The following PARD3 variants were observed in gnomAD, a reference collection of about 807,000 sequenced individuals.
PARD3 encodes the protein partitioning defective 3 homolog.
In PARD3, 75 loss-of-function variants were observed where a neutral mutation model predicts 155.4. The ratio of observed to expected loss-of-function variants is 0.48; its 90% CI spans 0.40 to 0.58. PARD3 has a LOEUF of 0.58. Among genes scored for constraint, PARD3 ranks in the 20% least tolerant of loss-of-function variants. The pLI is 0.00. For missense variants in PARD3, 1,642 were observed against 1,721.7 expected, an observed-to-expected ratio of 0.95 and a Z score of 0.82; for synonymous variants, 576 against 610.5, an observed-to-expected ratio of 0.94 and a Z score of 0.83.
At chr10:34,134,070 G>C (rs917254556) in intron 22 of PARD3, among the ~76,000 whole-genome samples, 4 of 152,174 alleles carry the variant, frequency 2.6e-5, no homozygotes, top group Non-Finnish European at 5.9e-5. Flanking sequence ...ACTTCAAAAT[G>C]TCCCTCCACA....
At chr10:34,655,040 G>A (rs1439595739) in intron 2 of PARD3, among the ~76,000 whole-genome samples, 3 of 151,050 alleles carry the variant, frequency 2.0e-5, no homozygotes, top group East Asian at 1.9e-4. Flanking sequence ...TGCTGAGCAC[G>A]TCAACAACTT....
chr10:34,232,313 G>A (rs771918490), intron 22 of PARD3, among the ~76,000 whole-genome samples: 4 of 152,184 alleles, frequency 2.6e-5, no homozygotes, highest in Admixed American at 6.5e-5. Flanking sequence ...GACTGGACCT[G>A]GATATGACAG....
At chr10:34,377,096 T>A (rs1841329805) in intron 10 of PARD3, among the ~76,000 whole-genome samples, 2 of 152,336 alleles carry the variant, frequency 1.3e-5, no homozygotes, top group African/African-American at 4.8e-5. Context: ...ATTTGACTCT[T>A]ATGACTCAAT....
At chr10:34,665,513 T>A (rs1225383385) in intron 2 of PARD3, among the ~76,000 whole-genome samples, 1 of 150,646 alleles carries the variant, frequency 6.6e-6, no homozygotes, top group Non-Finnish European at 1.5e-5. Flanking sequence ...AGAGCAAAAC[T>A]ACATCACAAA....
chr10:34,521,460 T>C (rs1207814195), intron 2 of PARD3, among the ~76,000 whole-genome samples: 2 of 152,192 alleles, frequency 1.3e-5, no homozygotes, highest in East Asian at 1.9e-4. Context: ...GAAAAGTCTT[T>C]TAAATTTGTG....
At chr10:34,638,958 C>T (rs969840785) in intron 2 of PARD3, among the ~76,000 whole-genome samples, 1 of 152,188 alleles carries the variant, frequency 6.6e-6, no homozygotes, top group East Asian at 1.9e-4. Context: ...TGAAATACGG[C>T]TCTATGAAGT....
At chr10:34,264,145 ATTT>A (rs951933233) in intron 22 of PARD3, among the ~76,000 whole-genome samples, 5 of 152,140 alleles carry the variant, frequency 3.3e-5, no homozygotes, top group African/African-American at 1.2e-4. Flanking sequence ...CAACCAATCT[ATTT>A]TTCATTTTTA....
At chr10:34,737,750 C>A (rs1248093906) in intron 1 of PARD3, among the ~76,000 whole-genome samples, 1 of 152,190 alleles carries the variant, frequency 6.6e-6, no homozygotes, top group African/African-American at 2.4e-5. Context: ...GCCTTCAGAG[C>A]CGTGAGAAAT....
intron 22 of PARD3, among the ~76,000 whole-genome samples, chr10:34,142,963 T>C (rs559452030): frequency 7.9e-5 from 12 of 152,254 alleles, no homozygotes; most frequent in African/African-American, 2.9e-4. Context: ...CAAATGAAAT[T>C]CAATGTTACA....
chr10:34,124,985 G>A, intron 23 of PARD3, among the ~76,000 whole-genome samples: 1 of 152,140 alleles, frequency 6.6e-6, no homozygotes, highest in Non-Finnish European at 1.5e-5. Context: ...GCAGAATAAA[G>A]TGCTGACTTT....
chr10:34,502,573 G>A lies in PARD3; in HGVS notation c.403+14406C>T, dbSNP rs913092676. On this transcript the variant is annotated intron_variant, in intron 3 of 24. Transcript: ENST00000374788. ...GACTAGTACTAATTGTGTGTGTAGC[G>A]ATATATAGACACACACACACAGACA... 1.8e-4 allele frequency among the ~76,000 whole-genome samples: 28 copies of A among 152,108 alleles called. 1 individual carries two copies. In the East Asian group the frequency reaches 5.2e-3, roughly 28 times the overall value.
chr10:34,241,151 C>T (rs1011002787), intron 22 of PARD3, among the ~76,000 whole-genome samples: 6 of 152,314 alleles, frequency 3.9e-5, no homozygotes, highest in South Asian at 2.1e-4. Flanking sequence ...CTTGAGAGGA[C>T]GTGTCTGTGG....
intron 7 of PARD3, among the ~76,000 whole-genome samples, chr10:34,393,475 G>A (rs892249690): frequency 4.6e-5 from 7 of 151,906 alleles, no homozygotes; most frequent in Admixed American, 4.6e-4. Context: ...CAGCTGCTTG[G>A]GAGGCTGAGG....
At chr10:34,227,856 TTATATATATATATA>T (rs55681930) in intron 22 of PARD3, among the ~76,000 whole-genome samples, 1 of 82,278 alleles carries the variant, frequency 1.2e-5, no homozygotes, top group Non-Finnish European at 2.3e-5. Context: ...GAATTATTTT[TTATATATATATATA>T]TATATATATA....
intron 1 of PARD3, among the ~76,000 whole-genome samples, chr10:34,740,217 C>T (rs950631195): frequency 2.0e-5 from 3 of 152,212 alleles, no homozygotes; most frequent in African/African-American, 4.8e-5. Flanking sequence ...CAGAGCTGGC[C>T]GGCTGGGAGA....
intron 22 of PARD3, among the ~76,000 whole-genome samples, chr10:34,236,191 G>A (rs994853739): frequency 6.6e-6 from 1 of 151,118 alleles, no homozygotes; most frequent in Admixed American, 6.6e-5. Context: ...ACTTACTGGA[G>A]AGATGATGAC....
chr10:34,711,414 G>A (rs911758553), intron 1 of PARD3, among the ~76,000 whole-genome samples: 3 of 152,066 alleles, frequency 2.0e-5, no homozygotes, highest in Non-Finnish European at 4.4e-5. Context: ...CCAGCTACTC[G>A]GGAGGCTGAG....
chr10:34,695,927 A>G lies in PARD3; in HGVS notation c.222+391T>C, dbSNP rs529127548. 2.0e-4 allele frequency among the ~76,000 whole-genome samples: 31 copies of G among 152,346 alleles called. No homozygotes were observed. The South Asian group carries it at 5.6e-3, about 27-fold the overall frequency. ...GGTTGGGATGGATCTTCTCAGGGCC[A>G]ACGCTGGGACCAGAATGCAGAATGG... On this transcript the variant is annotated intron_variant, in intron 2 of 24. Coordinates refer to ENST00000374788, the MANE Select transcript of PARD3 (RefSeq NM_001184785.2).
chr10:34,784,268 T>C (rs1840659110), intron 1 of PARD3, among the ~76,000 whole-genome samples: 1 of 151,988 alleles, frequency 6.6e-6, no homozygotes, highest in East Asian at 1.9e-4. Context: ...AGTCATAAAA[T>C]ATAAATAGCA....
Sources: gnomAD v4.1 joint callset for allele counts (sites outside exome capture counted in the v4.1 genomes callset) on GRCh38, gnomAD v4.1.1 for gene constraint, MANE v1.5 for transcripts, NCBI Gene and HGNC (gene_info 2026-07-23, HGNC 2026-07-21) for gene names.